NDE1: variants seen among roughly 807,000 people sequenced by gnomAD.
NDE1 encodes nudE neurodevelopment protein 1.
NDE1 carries 28 observed loss-of-function variants against 43.4 expected under a neutral mutation model. The observed-to-expected ratio is 0.65, with a 90% CI of 0.48 to 0.89. The LOEUF is 0.89. Ranked by LOEUF, NDE1 falls within the 40% of genes least tolerant of loss-of-function variation. The probability of loss-of-function intolerance (pLI) is 0.00; values close to 1 mark genes in which losing one functional copy is unlikely to be tolerated. For synonymous variants in NDE1, 184 were observed against 172.0 expected (o/e 1.07, Z -0.55); for missense variants, 441 against 434.1 (o/e 1.02, Z -0.14).
At chr16:15,689,315 C>T (rs772382763) in intron 5 of NDE1, among the ~76,000 whole-genome samples, 1 of 152,028 alleles carries the variant, frequency 6.6e-6, no homozygotes, top group African/African-American at 2.4e-5. Context: ...CATAGTGATA[C>T]CCCATCTCTA....
chr16:15,657,790 C>T (rs561531919), intron 1 of NDE1, among the ~76,000 whole-genome samples: 1 of 151,050 alleles, frequency 6.6e-6, no homozygotes, highest in East Asian at 2.0e-4. Context: ...TTAGTAGACA[C>T]GGGGTTTCAC....
chr16:15,684,940 T>C (rs765685271), intron 4 of NDE1, among the ~76,000 whole-genome samples: 2 of 152,218 alleles, frequency 1.3e-5, no homozygotes, highest in African/African-American at 2.4e-5. Flanking sequence ...CCTGATCTCT[T>C]TTACAGAGTT....
chr16:15,659,716 T>C (rs868347240), intron 1 of NDE1, among the ~76,000 whole-genome samples: 5 of 149,146 alleles, frequency 3.4e-5, no homozygotes, highest in Admixed American at 6.7e-5. Flanking sequence ...GGATTACAGG[T>C]GTGAGCCACT....
At chr16:15,671,885 G>C (rs2037612617) in intron 3 of NDE1, among the ~76,000 whole-genome samples, 1 of 151,892 alleles carries the variant, frequency 6.6e-6, no homozygotes, top group African/African-American at 2.4e-5. Flanking sequence ...GTAGAGACGG[G>C]TTCATGTGCC....
Position 15,724,745 on chromosome 16 carries a change from G to C in NDE1, c.*494G>C. ...AGGCTGTTCCGCTCCTCCTCCAGCT[G>C]GCGCAGCTTCGTAGACACGTTGAGC... is the stretch of plus-strand genomic sequence containing the variant. On this transcript the variant is annotated 3_prime_UTR_variant, in exon 9 of 9. Transcript: ENST00000396354. 6.2e-7 allele frequency: 1 copy of C among 1,614,158 alleles called. No homozygotes were observed. The highest frequency in any genetic ancestry group is 8.5e-7 in the Non-Finnish European group (1 of 1,180,030).
intron 8 of NDE1, chr16:15,721,798 GA>G: frequency 1.4e-6 from 1 of 701,350 alleles, no homozygotes. Context: ...CTGGCGTTCT[GA>G]CTTCTACATC....
At chr16:15,680,038 G>A (rs749375914) in intron 4 of NDE1, among the ~76,000 whole-genome samples, 62 of 152,106 alleles carry the variant, frequency 4.1e-4, no homozygotes, top group Non-Finnish European at 8.1e-4. Flanking sequence ...CTCGGTCTCC[G>A]AAAGTGCTGG....
At chr16:15,710,436 G>A (rs1016453888) in intron 8 of NDE1, among the ~76,000 whole-genome samples, 3 of 152,202 alleles carry the variant, frequency 2.0e-5, no homozygotes, top group Admixed American at 6.5e-5. Flanking sequence ...CAGGAGAATC[G>A]CTTGAACCTG....
At chr16:15,666,581 T>C (rs146901631) in intron 2 of NDE1, among the ~76,000 whole-genome samples, 8 of 152,226 alleles carry the variant, frequency 5.3e-5, no homozygotes, top group African/African-American at 1.9e-4. Context: ...TGCATTCCAG[T>C]CTGGGTGACA....
chr16:15,697,884 G>A (rs1303765317), intron 8 of NDE1, among the ~76,000 whole-genome samples: 1 of 149,938 alleles, frequency 6.7e-6, no homozygotes, highest in South Asian at 2.1e-4. Context: ...TCAGCTCACT[G>A]CAACCTCTGC....
Position 15,704,121 on chromosome 16 carries a change from C to CGAA in NDE1, c.947+7262_947+7263insAAG, listed in dbSNP as rs764285909. The stretch of plus-strand genomic sequence containing the variant: ...AGGAACGAAAGAGGTCTCGTTTCCT[C>CGAA]GCCTGTGGGTTGTAAGAAAACACAT... On this transcript the variant is annotated intron_variant, in intron 8 of 8. Transcript: ENST00000396354. 2.0e-5 allele frequency: 32 copies of CGAA among 1,613,994 alleles called. No individual in the cohort carries two copies. In the African/African-American group the frequency reaches 4.0e-4, roughly 20 times the overall value.
At chr16:15,718,494 C>G (rs573046773) in intron 8 of NDE1, 1 of 1,534,414 alleles carries the variant, frequency 6.5e-7, no homozygotes, top group East Asian at 2.4e-5. Flanking sequence ...TTAAAAGATG[C>G]CCCCTCCTTG....
rs535606845 is a variant in NDE1, at chr16:15,668,261, G to A, written c.237+822G>A. Among the ~76,000 whole-genome samples, 4 of 152,282 alleles carry A rather than the reference G, an allele frequency of 2.6e-5. No individual in the cohort carries two copies. The East Asian group carries it at 7.7e-4, about 29-fold the overall frequency. On this transcript the variant is annotated intron_variant, in intron 3 of 8. Transcript: ENST00000396354. The stretch of plus-strand genomic sequence containing the variant: ...CCTATAGTCCCAGCTTACTTGGGAG[G>A]CTGAGGCAGGAGAATCACTTGATGG...
At chr16:15,643,832 GA>G (rs1202615345) in exon 1 of NDE1, 4 of 157,398 alleles carry the variant, frequency 2.5e-5, no homozygotes, top group African/African-American at 4.8e-5. Context: ...ACTTTAGCAA[GA>G]AAACGTTATT....
At chr16:15,700,974 G>A (rs184214861) in intron 8 of NDE1, among the ~76,000 whole-genome samples, 261 of 152,238 alleles carry the variant, frequency 1.7e-3, no homozygotes, top group Non-Finnish European at 2.9e-3. Flanking sequence ...GGTGGCTCAG[G>A]CCGGTAATCC....
chr16:15,672,662 T>C (rs917349608), intron 3 of NDE1: 23 of 152,308 alleles, frequency 1.5e-4, no homozygotes, highest in African/African-American at 5.5e-4. Flanking sequence ...CAGCACAACA[T>C]TTCAGCAACA....
rs542880594 is a variant in NDE1 at position 15,644,529 on chromosome 16, A to G, written c.-166+602A>G. Reference sequence around the variant, plus strand: ...GCAGTGGCTCAGGCCTGTATTCCCAATACTTTGAGAGGCTACGGAGGGAGG... The same window carrying G: ...GCAGTGGCTCAGGCCTGTATTCCCAGTACTTTGAGAGGCTACGGAGGGAGG... On this transcript the variant is annotated intron_variant, in intron 1 of 9. Transcript: ENST00000396355. Among the ~76,000 whole-genome samples the G allele has an allele frequency of 2.3e-3, 347 of 152,334 alleles. 1 individual carries two copies. Among genetic ancestry groups the G allele is most frequent in the African/African-American group, 7.5e-3 (312 of 41,574 alleles).
chr16:15,684,712 T>G (rs1567646227), intron 4 of NDE1: 2 of 152,128 alleles, frequency 1.3e-5, no homozygotes, highest in African/African-American at 4.8e-5. Context: ...GAGGTACGAA[T>G]CTAATAATTT....
chr16:15,693,154 T>C (rs2038836785), intron 6 of NDE1, among the ~76,000 whole-genome samples: 1 of 152,186 alleles, frequency 6.6e-6, no homozygotes, highest in South Asian at 2.1e-4. Context: ...GGCAGGCACC[T>C]GTTACCATGC....
Sources: gnomAD v4.1 joint callset for allele counts (sites outside exome capture counted in the v4.1 genomes callset) on GRCh38, gnomAD v4.1.1 for gene constraint, MANE v1.5 for transcripts, NCBI Gene and HGNC (gene_info 2026-07-23, HGNC 2026-07-21) for gene names.